Variants in MED27 observed in about 807,000 individuals in gnomAD.
MED27 encodes the protein mediator of RNA polymerase II transcription subunit 27.
A neutral mutation model predicts 38.2 loss-of-function variants in MED27; 30 were observed. The ratio of observed to expected loss-of-function variants is 0.79; its 90% CI spans 0.59 to 1.07. The LOEUF (loss-of-function observed/expected upper bound fraction) is 1.07. Ranked by LOEUF, MED27 falls within the 50% of genes least tolerant of loss-of-function variation. The pLI, the probability that MED27 is intolerant of heterozygous loss-of-function variation, is 0.00. For synonymous variants in MED27, 122 were observed against 153.5 expected, an observed-to-expected ratio of 0.79 and a Z score of 1.52; for missense variants, 289 against 397.5, an observed-to-expected ratio of 0.73 and a Z score of 2.32.
intron 4 of MED27, among the ~76,000 whole-genome samples, chr9:131,934,106 A>C (rs957506311): frequency 3.9e-5 from 6 of 152,236 alleles, no homozygotes; most frequent in Admixed American, 3.9e-4. Flanking sequence ...ACTGTCTCTC[A>C]CCATACATAA....
Position 131,881,994 on chromosome 9 carries a change from T to A in MED27, c.723+2064A>T, listed in dbSNP as rs1354094742. Among the ~76,000 whole-genome samples the A allele has an allele frequency of 9.9e-5, 15 of 151,724 alleles. 1 individual carries two copies. ...TGGTCTCGAACTCCTGACCTTGTAA[T>A]CCACCCACCTGAGCCTCCCAAAGTG... On this transcript the variant is annotated intron_variant, in intron 6 of 7. Transcript: ENST00000292035.
Position 131,919,904 on chromosome 9 carries a change from G to A in MED27, c.573+19477C>T, listed in dbSNP as rs186948558. On this transcript the variant is annotated intron_variant, in intron 4 of 7. Coordinates refer to ENST00000292035, the MANE Select transcript of MED27 (RefSeq NM_004269.4). ...GCTCACTGCAACCTCCACCTCCGGG[G>A]CTCAGGTGATCCTCCCATCTTAGCC... Among the ~76,000 whole-genome samples the A allele has an allele frequency of 3.8e-3, 576 of 151,904 alleles. 5 individuals carry two copies. The highest frequency in any genetic ancestry group is 3.9e-3 in the Non-Finnish European group (266 of 67,946).
At position 131,928,989 on chromosome 9, in the gene MED27, G is replaced by A. The variant is rs934455557; in HGVS notation, c.573+10392C>T. On this transcript the variant is annotated intron_variant, in intron 4 of 7. Transcript: ENST00000292035. ...TCCTTCTTCTTGAGGACAGGAGAGC[G>A]AAGAGTAAAGAGGACTTCGTCTTGC... Among the ~76,000 whole-genome samples, 8 of 152,250 alleles carry A rather than the reference G, an allele frequency of 5.3e-5. No individual in the cohort carries two copies. The South Asian group carries it at 1.0e-3, about 20-fold the overall frequency.
At chr9:132,058,048 C>G (rs1420546471) in intron 2 of MED27, among the ~76,000 whole-genome samples, 1 of 152,044 alleles carries the variant, frequency 6.6e-6, no homozygotes, top group Admixed American at 6.5e-5. Flanking sequence ...AGTGATAATC[C>G]TATTTTTTTA....
intron 6 of MED27, among the ~76,000 whole-genome samples, chr9:131,863,990 T>G (rs923617137): frequency 5.3e-5 from 8 of 152,298 alleles, no homozygotes; most frequent in Non-Finnish European, 7.4e-5. Context: ...TCTCTGCGTC[T>G]CCATGCCCCT....
chr9:132,008,380 C>T (rs1404800357), intron 3 of MED27, among the ~76,000 whole-genome samples: 2 of 152,222 alleles, frequency 1.3e-5, no homozygotes, highest in Non-Finnish European at 2.9e-5. Context: ...TGGACACAGC[C>T]TCTCAGCCTC....
chr9:131,913,557 C>A lies in MED27; in HGVS notation c.574-19565G>T, dbSNP rs1312687097. ...TGGCAGGGGCATACTCTTCTAGGAT[C>A]AAAAGGCAAATCTCACTGTTCACTT... On this transcript the variant is annotated intron_variant, in intron 4 of 7. Coordinates refer to ENST00000292035, the MANE Select transcript of MED27 (RefSeq NM_004269.4). This position sits in a 1 kb window ranked among gnomAD's most constrained non-coding sequence, Gnocchi z 4.5. Among the ~76,000 whole-genome samples, 1 of 152,198 alleles carries A rather than the reference C, an allele frequency of 6.6e-6. No homozygotes were observed. The highest frequency in any genetic ancestry group is 2.4e-5 in the African/African-American group (1 of 41,446).
chr9:131,932,245 C>CA (rs1830602752), intron 4 of MED27, among the ~76,000 whole-genome samples: 1 of 151,700 alleles, frequency 6.6e-6, no homozygotes, highest in African/African-American at 2.4e-5. Flanking sequence ...TACAAACACA[C>CA]GGAAATTAAA....
chr9:131,881,881 G>A (rs562528213), intron 6 of MED27, among the ~76,000 whole-genome samples: 19 of 127,558 alleles, frequency 1.5e-4, no homozygotes, highest in East Asian at 8.0e-4. Context: ...GCAACCTCCC[G>A]CGTAGCTGGG....
At chr9:131,876,453 C>T (rs1358040187) in intron 6 of MED27, among the ~76,000 whole-genome samples, 1 of 152,142 alleles carries the variant, frequency 6.6e-6, no homozygotes, top group Non-Finnish European at 1.5e-5. Flanking sequence ...GAGCCTTGTG[C>T]AGGAAAGGTA....
chr9:132,014,265 A>C, intron 3 of MED27, 72 bp downstream of exon 3: 1 of 1,471,352 alleles, frequency 6.8e-7, no homozygotes, highest in Non-Finnish European at 9.2e-7. Context: ...GTAACTTTCC[A>C]CTACCCAAAA....
intron 2 of MED27, among the ~76,000 whole-genome samples, chr9:132,048,786 T>A (rs1173393158): frequency 1.3e-5 from 2 of 152,176 alleles, no homozygotes; most frequent in Non-Finnish European, 2.9e-5. Context: ...GGCAGCATGC[T>A]GGGGTGTCAT....
chr9:132,037,831 CACACA>C (rs1476773407), intron 2 of MED27, among the ~76,000 whole-genome samples: 1 of 152,190 alleles, frequency 6.6e-6, no homozygotes, highest in Non-Finnish European at 1.5e-5. Context: ...CTTTGGCTGA[CACACA>C]ACATGTCCCG....
At chr9:131,952,861 A>G (rs1175106829) in intron 3 of MED27, among the ~76,000 whole-genome samples, 1 of 152,090 alleles carries the variant, frequency 6.6e-6, no homozygotes, top group Non-Finnish European at 1.5e-5. Context: ...GGTTCCTTAT[A>G]CCCTGCCCAC....
intron 4 of MED27, among the ~76,000 whole-genome samples, chr9:131,921,478 C>A (rs972276611): frequency 8.7e-6 from 1 of 114,740 alleles, no homozygotes; most frequent in African/African-American, 3.1e-5. Flanking sequence ...CAATGAGATA[C>A]CATCTCGCAC....
chr9:131,905,701 C>CAAAAAA (rs58848280), intron 4 of MED27, among the ~76,000 whole-genome samples: 1 of 60,920 alleles, frequency 1.6e-5, no homozygotes, highest in Non-Finnish European at 2.8e-5. Context: ...AAGACCTTGT[C>CAAAAAA]AAAAAAAAAA....
intron 5 of MED27, among the ~76,000 whole-genome samples, chr9:131,893,198 G>A (rs1366335001): frequency 1.3e-5 from 2 of 152,156 alleles, no homozygotes; most frequent in African/African-American, 4.8e-5. Flanking sequence ...ACCAGGCTCC[G>A]TGCTGAGAGT....
chr9:131,871,646 C>T (rs909196467), intron 6 of MED27, among the ~76,000 whole-genome samples: 2 of 152,112 alleles, frequency 1.3e-5, no homozygotes, highest in African/African-American at 2.4e-5. Context: ...AACTCCTGGG[C>T]GCAAGTGATC....
Position 131,860,508 on chromosome 9 carries a change from T to G in MED27, c.*30A>C. 2.7e-6 allele frequency: 4 copies of G among 1,488,412 alleles called. No homozygotes were observed. The highest frequency in any genetic ancestry group is 3.6e-6 in the Non-Finnish European group (4 of 1,119,170). The allele number at this position is 1,488,412 out of a possible 1,614,324, so 92.2% of individuals were successfully genotyped here. On this transcript the variant is annotated 3_prime_UTR_variant, in exon 8 of 8. Transcript: ENST00000292035. This position sits in a 1 kb window ranked among gnomAD's most constrained non-coding sequence, Gnocchi z 5.8. ...CCTGCGTGTCTGGGAAGGTGCTGGG[T>G]GGGGTCTGAGGCTGGGGCCAGCGTG... is the stretch of plus-strand genomic sequence containing the variant.
Sources: allele counts gnomAD v4.1 joint callset (sites outside exome capture counted in the v4.1 genomes callset), GRCh38; gene constraint gnomAD v4.1.1; non-coding constraint Gnocchi (gnomAD v3.1); transcripts MANE v1.5; gene names NCBI Gene and HGNC (gene_info 2026-07-23, HGNC 2026-07-21).